The following SDK2 variants were observed in gnomAD, a reference collection of about 807,000 sequenced individuals.
The protein encoded by SDK2 is sidekick cell adhesion molecule 2, also known as protein sidekick-2.
In SDK2, 105 loss-of-function variants were observed where a neutral mutation model predicts 253.9. The ratio of observed to expected loss-of-function variants is 0.41; its 90% CI spans 0.35 to 0.49. SDK2 has a LOEUF of 0.49. SDK2 is among the 20% of genes least tolerant of loss of function. The probability of loss-of-function intolerance (pLI) is 0.06; values close to 1 mark genes in which losing one functional copy is unlikely to be tolerated. For synonymous variants in SDK2, 1,249 were observed against 1,234.9 expected, an observed-to-expected ratio of 1.01 and a Z score of -0.24; for missense variants, 2,608 against 3,003.0, an observed-to-expected ratio of 0.87 and a Z score of 3.07.
At chr17:73,638,019 G>C (rs577765932) in intron 1 of SDK2, among the ~76,000 whole-genome samples, 2 of 152,362 alleles carry the variant, frequency 1.3e-5, no homozygotes, top group African/African-American at 4.8e-5. Context: ...TGCGGGAGCT[G>C]CTGGAGGGCG....
chr17:73,456,043 G>T lies in SDK2; in HGVS notation c.342C>A (p.Ser114Arg). ...QTEVQVAYMG[S>R]FEEGEKHQSV... ...TCTGGTGCTTCTCACCTTCCTCAAA[G>T]CTCCCCATGTCTGCAGCCGGGACAA... Residue 114 changes from serine to arginine, a missense_variant, in exon 4 of 45, where the codon AGC becomes AGA. Ser to Arg is a moderately radical substitution (Grantham distance 110). Around this residue, in one of 2 missense-constraint regions of SDK2, gnomAD observed 1,505 missense variants for 1,859.1 expected, o/e 0.81. Transcript: ENST00000392650. The T allele has an allele frequency of 6.6e-7, 1 of 1,509,622 alleles. No homozygotes were observed. The highest frequency in any genetic ancestry group is 8.9e-7 in the Non-Finnish European group (1 of 1,122,802). 93.5% of individuals were successfully genotyped at this position (1,509,622 alleles called of 1,614,324 possible).
intron 18 of SDK2, among the ~76,000 whole-genome samples, chr17:73,412,189 T>C (rs1015594279): frequency 3.4e-5 from 5 of 148,734 alleles, no homozygotes; most frequent in Non-Finnish European, 7.4e-5. Flanking sequence ...TATATGCACA[T>C]ACACACATAT....
chr17:73,548,415 A>G (rs2145832601), intron 1 of SDK2, among the ~76,000 whole-genome samples: 1 of 152,350 alleles, frequency 6.6e-6, no homozygotes, highest in Non-Finnish European at 1.5e-5. Context: ...CTGTCCACAC[A>G]GCATCAAACC....
chr17:73,469,051 C>T (rs1198798651), intron 3 of SDK2, among the ~76,000 whole-genome samples: 1 of 152,152 alleles, frequency 6.6e-6, no homozygotes, highest in Non-Finnish European at 1.5e-5. Flanking sequence ...TCTCGAACTC[C>T]TGACCTTGTG....
At chr17:73,626,734 A>G (rs2046207031) in intron 1 of SDK2, among the ~76,000 whole-genome samples, 1 of 152,198 alleles carries the variant, frequency 6.6e-6, no homozygotes, top group African/African-American at 2.4e-5. Context: ...TCAGCCCAGC[A>G]CATTCTAGGA....
chr17:73,450,742 T>C (rs2063485121), intron 4 of SDK2, among the ~76,000 whole-genome samples: 1 of 152,312 alleles, frequency 6.6e-6, no homozygotes, highest in African/African-American at 2.4e-5. Flanking sequence ...GGGATGACAA[T>C]GTCTGGACAA....
chr17:73,437,954 C>A lies in SDK2; in HGVS notation c.916+10G>T. On this transcript the variant is annotated intron_variant, in intron 7 of 44. Transcript: ENST00000392650. ...CTCAGGGGAGCCCTAGCAGCCCCAC[C>A]CTCTCTCACCCAGCACTGAGAGGTA... 6.4e-7 allele frequency: 1 copy of A among 1,552,804 alleles called. No individual in the cohort carries two copies. Among genetic ancestry groups the A allele is most frequent in the Non-Finnish European group, 8.7e-7 (1 of 1,147,512 alleles).
At chr17:73,638,457 A>G (rs965814017) in intron 1 of SDK2, among the ~76,000 whole-genome samples, 7 of 152,120 alleles carry the variant, frequency 4.6e-5, no homozygotes, top group African/African-American at 1.4e-4. Context: ...GATGGATAAG[A>G]CATATTAGGA....
chr17:73,415,171 G>A (rs115245377), intron 17 of SDK2, among the ~76,000 whole-genome samples: 218 of 152,190 alleles, frequency 1.4e-3, no homozygotes, highest in African/African-American at 5.1e-3. Context: ...ACCCTGTGGG[G>A]TAGATTGGCC....
intron 1 of SDK2, among the ~76,000 whole-genome samples, chr17:73,546,047 G>A (rs906154772): frequency 1.3e-5 from 2 of 152,024 alleles, no homozygotes; most frequent in African/African-American, 2.4e-5. Flanking sequence ...GGGAGGGGCT[G>A]GGGAAAAGAC....
intron 18 of SDK2, among the ~76,000 whole-genome samples, chr17:73,406,539 C>T (rs181245322): frequency 5.9e-5 from 9 of 152,088 alleles, no homozygotes; most frequent in Non-Finnish European, 8.8e-5. Flanking sequence ...CGTGAGCCAC[C>T]GCGCCTGGCC....
intron 1 of SDK2, among the ~76,000 whole-genome samples, chr17:73,527,630 G>A (rs1452332810): frequency 6.6e-6 from 1 of 152,200 alleles, no homozygotes; most frequent in Non-Finnish European, 1.5e-5. Context: ...CCGATAAGAA[G>A]GCCCTGAAGT....
chr17:73,504,956 G>T (rs16977658), intron 2 of SDK2, among the ~76,000 whole-genome samples: 1 of 152,166 alleles, frequency 6.6e-6, no homozygotes, highest in African/African-American at 2.4e-5. Flanking sequence ...GGAAAATCCT[G>T]ATTGGACCTG....
intron 30 of SDK2, among the ~76,000 whole-genome samples, chr17:73,387,172 C>G (rs2062879383): frequency 6.6e-6 from 1 of 152,228 alleles, no homozygotes; most frequent in Non-Finnish European, 1.5e-5. Flanking sequence ...GTTGGCCAGA[C>G]TGGTTTCAAA....
At chr17:73,487,448 T>A (rs1756923125) in intron 2 of SDK2, among the ~76,000 whole-genome samples, 1 of 152,072 alleles carries the variant, frequency 6.6e-6, no homozygotes, top group African/African-American at 2.4e-5. Flanking sequence ...GTCCACTGGC[T>A]GGGGAAGCAG....
At chr17:73,569,534 A>C (rs892522767) in intron 1 of SDK2, among the ~76,000 whole-genome samples, 28 of 151,508 alleles carry the variant, frequency 1.8e-4, no homozygotes, top group Non-Finnish European at 3.2e-4. Context: ...TAACCCTTGC[A>C]GCACATTGGA....
intron 2 of SDK2, among the ~76,000 whole-genome samples, chr17:73,476,644 G>T (rs953563914): frequency 1.3e-5 from 2 of 152,046 alleles, no homozygotes; most frequent in East Asian, 3.9e-4. Context: ...TAGAGACAGG[G>T]TCTCATTTTG....
chr17:73,588,557 G>T (rs2045637928), intron 1 of SDK2, among the ~76,000 whole-genome samples: 1 of 152,120 alleles, frequency 6.6e-6, no homozygotes, highest in African/African-American at 2.4e-5. Context: ...TAGGCTGCTG[G>T]TTCTCATCAG....
rs4035979 is a variant in SDK2 at position 73,337,503 on chromosome 17, ATG to A, written c.*1082_*1083del. ...CCTGTTCCTTGTAAGTGCATGGGAGATGTGTGTGTGTGTGTGTGTGTGGTGAG... is the reference window on the plus strand; with the variant it reads ...CCTGTTCCTTGTAAGTGCATGGGAGATGTGTGTGTGTGTGTGTGTGGTGAG... On this transcript the variant is annotated 3_prime_UTR_variant, in exon 45 of 45. Coordinates refer to ENST00000392650, the MANE Select transcript of SDK2 (RefSeq NM_001144952.2). 2.4e-4 allele frequency: 35 copies of A among 148,206 alleles called. No individual in the cohort carries two copies. Among genetic ancestry groups the A allele is most frequent in the Middle Eastern group, 6.9e-3 (2 of 288 alleles). 9.2% of individuals were successfully genotyped at this position (148,206 alleles called of 1,614,324 possible).
Sources: gnomAD v4.1 joint callset for allele counts (sites outside exome capture counted in the v4.1 genomes callset) on GRCh38, gnomAD v4.1.1 for gene constraint, gnomAD v4.1.1 regional missense constraint, MANE v1.5 for transcripts, NCBI Gene and HGNC (gene_info 2026-07-23, HGNC 2026-07-21) for gene names.